Variants in EYS observed in about 807,000 individuals in gnomAD.
EYS encodes the protein protein eyes shut homolog.
EYS carries 250 observed loss-of-function variants against 282.1 expected under a neutral mutation model. The ratio of observed to expected loss-of-function variants is 0.89; its 90% CI spans 0.80 to 0.98. The LOEUF is 0.98. Ranked by LOEUF, EYS falls within the 50% of genes least tolerant of loss-of-function variation. EYS has a pLI of 0.00. For synonymous variants in EYS, 1,355 were observed against 1,282.9 expected (o/e 1.06, Z -1.20); for missense variants, 4,016 against 3,709.0 (o/e 1.08, Z -2.15).
intron 12 of EYS, among the ~76,000 whole-genome samples, chr6:65,146,801 C>CT (rs1343053645): frequency 6.6e-6 from 1 of 151,886 alleles, no homozygotes; most frequent in Non-Finnish European, 1.5e-5. Context: ...AATACTTATT[C>CT]TTTTTACCAT....
At chr6:64,096,571 G>T (rs372901425) in intron 31 of EYS, among the ~76,000 whole-genome samples, 2 of 152,156 alleles carry the variant, frequency 1.3e-5, no homozygotes, top group African/African-American at 4.8e-5. Context: ...CATTCGTCAC[G>T]TAGTTCTCAT....
chr6:64,843,376 G>A (rs768297071), intron 19 of EYS, among the ~76,000 whole-genome samples: 2 of 152,160 alleles, frequency 1.3e-5, no homozygotes, highest in Non-Finnish European at 2.9e-5. Flanking sequence ...GACACTCAAT[G>A]CCAGCCTGTG....
At chr6:65,416,076 G>A (rs1017176168) in intron 5 of EYS, among the ~76,000 whole-genome samples, 1 of 151,840 alleles carries the variant, frequency 6.6e-6, no homozygotes, top group Non-Finnish European at 1.5e-5. Flanking sequence ...CACAAGAAGA[G>A]AAAGGCATCA....
chr6:65,655,382 T>A (rs886432055), intron 1 of EYS, among the ~76,000 whole-genome samples: 5 of 151,798 alleles, frequency 3.3e-5, no homozygotes, highest in African/African-American at 1.2e-4. Flanking sequence ...CTTTAGTGAG[T>A]TAATCAAGGT....
At chr6:64,829,271 A>G (rs1765147589) in intron 19 of EYS, among the ~76,000 whole-genome samples, 1 of 152,030 alleles carries the variant, frequency 6.6e-6, no homozygotes, top group South Asian at 2.1e-4. Context: ...ATCAGCCACC[A>G]CAATGGTGGT....
At chr6:64,034,996 A>C (rs1045743502) in intron 33 of EYS, among the ~76,000 whole-genome samples, 2 of 152,236 alleles carry the variant, frequency 1.3e-5, no homozygotes, top group African/African-American at 2.4e-5. Context: ...TAAACAGAGA[A>C]TAGCTAGACG....
intron 1 of EYS, among the ~76,000 whole-genome samples, chr6:65,659,707 C>CT (rs200784574): frequency 2.4e-4 from 36 of 151,416 alleles, no homozygotes; most frequent in African/African-American, 5.3e-4. Context: ...CTTTCTATTT[C>CT]TTTTTTTTGA....
intron 33 of EYS, among the ~76,000 whole-genome samples, chr6:64,027,120 C>T (rs1218285875): frequency 6.6e-6 from 1 of 152,170 alleles, no homozygotes; most frequent in East Asian, 1.9e-4. Context: ...GGGACAAATT[C>T]CCTACCAGTC....
At chr6:64,662,238 T>TG (rs1360035380) in intron 22 of EYS, among the ~76,000 whole-genome samples, 1 of 51,184 alleles carries the variant, frequency 2.0e-5, no homozygotes, top group Non-Finnish European at 3.5e-5. Context: ...TGTTGTGGGG[T>TG]GGGGGGAGGG....
intron 12 of EYS, among the ~76,000 whole-genome samples, chr6:65,150,815 T>G (rs1023227181): frequency 1.6e-4 from 24 of 152,160 alleles, no homozygotes; most frequent in Non-Finnish European, 3.2e-4. Flanking sequence ...AATTTATTGT[T>G]TAATAATGTT....
intron 22 of EYS, among the ~76,000 whole-genome samples, chr6:64,707,015 A>G (rs140751233): frequency 6.6e-6 from 1 of 152,288 alleles, no homozygotes; most frequent in African/African-American, 2.4e-5. Flanking sequence ...ACACGTTTAT[A>G]GTAGCAAAAT....
At chr6:64,070,088 AGAG>A (rs957196813) in intron 32 of EYS, among the ~76,000 whole-genome samples, 8 of 152,204 alleles carry the variant, frequency 5.3e-5, no homozygotes, top group African/African-American at 1.4e-4. Flanking sequence ...TGTTATGGGA[AGAG>A]GAGGAACATT....
intron 26 of EYS, among the ~76,000 whole-genome samples, chr6:64,540,584 G>T (rs113793338): frequency 0.061 from 8,911 of 146,186 alleles, 360 homozygotes; most frequent in Middle Eastern, 0.11. Flanking sequence ...CCAGGTTCAA[G>T]CAATTCACCA....
At chr6:64,347,042 C>T (rs554764016) in intron 29 of EYS, among the ~76,000 whole-genome samples, 92 of 151,398 alleles carry the variant, frequency 6.1e-4, no homozygotes, top group African/African-American at 2.2e-3. Context: ...TACTTCACAT[C>T]ACATTCTTGG....
At chr6:64,873,065 T>A (rs1273173096) in intron 19 of EYS, among the ~76,000 whole-genome samples, 1 of 152,074 alleles carries the variant, frequency 6.6e-6, no homozygotes, top group African/African-American at 2.4e-5. Flanking sequence ...TAGACTGTTT[T>A]TACACTGCTG....
chr6:64,239,186 C>T (rs1005012297), intron 30 of EYS, among the ~76,000 whole-genome samples: 1 of 152,132 alleles, frequency 6.6e-6, no homozygotes, highest in African/African-American at 2.4e-5. Context: ...CAAGTCTTTG[C>T]TATTGTAAAC....
intron 15 of EYS, among the ~76,000 whole-genome samples, chr6:64,919,973 T>A (rs1768285465): frequency 6.6e-6 from 1 of 152,152 alleles, no homozygotes; most frequent in Admixed American, 6.5e-5. Flanking sequence ...TCATGCTGTA[T>A]TTTGAAGAAT....
intron 35 of EYS, among the ~76,000 whole-genome samples, chr6:63,950,918 A>G (rs1308590351): frequency 6.6e-6 from 1 of 151,996 alleles, no homozygotes; most frequent in Non-Finnish European, 1.5e-5. Flanking sequence ...CGCCTGTCAC[A>G]TACTTGGGAA....
intron 36 of EYS, among the ~76,000 whole-genome samples, chr6:63,848,660 A>T (rs1012546482): frequency 1.3e-5 from 2 of 152,058 alleles, no homozygotes; most frequent in African/African-American, 4.8e-5. Flanking sequence ...CCCAGATACT[A>T]TGCTTTTCCC....
Sources: allele counts gnomAD v4.1 joint callset (sites outside exome capture counted in the v4.1 genomes callset), GRCh38; gene constraint gnomAD v4.1.1; transcripts MANE v1.5; gene names NCBI Gene and HGNC (gene_info 2026-07-23, HGNC 2026-07-21).